Variants in RAPGEF2 observed in about 807,000 individuals in gnomAD.
The protein encoded by RAPGEF2 is PDZ domain containing guanine nucleotide exchange factor (GEF) 1.
Under a neutral mutation model 186.7 loss-of-function variants are expected in RAPGEF2, and 54 were observed. The observed-to-expected ratio is 0.29, with a 90% CI of 0.23 to 0.36. The LOEUF (loss-of-function observed/expected upper bound fraction) is 0.36, where lower values mean the gene tolerates loss of function less well. Ranked by LOEUF, RAPGEF2 falls within the 10% of genes least tolerant of loss-of-function variation. The pLI is 1.00. For missense variants in RAPGEF2, 1,532 were observed against 2,045.0 expected, an observed-to-expected ratio of 0.75 and a Z score of 4.84; for synonymous variants, 712 against 705.9, an observed-to-expected ratio of 1.01 and a Z score of -0.14.
intron 7 of RAPGEF2, among the ~76,000 whole-genome samples, chr4:159,272,052 C>G (rs1758197871): frequency 1.3e-5 from 2 of 152,068 alleles, no homozygotes; most frequent in Admixed American, 6.6e-5. Context: ...CCTTTGTAAC[C>G]TCTGAGTGCC....
intron 4 of RAPGEF2, among the ~76,000 whole-genome samples, chr4:159,237,440 A>C (rs183484383): frequency 6.6e-6 from 1 of 152,182 alleles, no homozygotes. Context: ...AAAATTTATC[A>C]TATGATGTGG....
chr4:159,221,016 A>G (rs1181929285), intron 4 of RAPGEF2, among the ~76,000 whole-genome samples: 2 of 152,188 alleles, frequency 1.3e-5, no homozygotes, highest in Admixed American at 1.3e-4. Context: ...TGGAAGGAGG[A>G]GTCTGGGGAA....
At chr4:159,278,662 AGCATTGT>A (rs1419167760) in intron 7 of RAPGEF2, among the ~76,000 whole-genome samples, 1 of 152,224 alleles carries the variant, frequency 6.6e-6, no homozygotes, top group Non-Finnish European at 1.5e-5. Flanking sequence ...TAAGAGCTGT[AGCATTGT>A]GGTCAGAAAA....
At position 159,241,247 on chromosome 4, in the gene RAPGEF2, C is replaced by G; in HGVS notation, c.404C>G (p.Ser135Cys). The G allele has an allele frequency of 2.0e-6, 3 of 1,533,650 alleles. No homozygotes were observed. The highest frequency in any genetic ancestry group is 2.6e-6 in the Non-Finnish European group (3 of 1,145,408). Residue 135 changes from serine (S) to cysteine (C), a missense_variant, in exon 6 of 30, where the codon TCC (serine) becomes TGC (cysteine). By Grantham distance (112) the Ser-to-Cys change is moderately radical. Transcript: ENST00000691494. The part of the protein sequence containing the change: ...ENEEYFQRQA[S>C]HRQSRRRFRK... The stretch of plus-strand genomic sequence containing the variant: ...GAAGAATATTTTCAGCGGCAAGCTT[C>G]CCATAGACAGTCTCGAAGGAGATTT...
rs1560964822 is a variant in RAPGEF2, at chr4:159,104,527, G to GAGAGAGAGAGA, written c.69+296_69+297insAGAGAGAGAGA. Among the ~76,000 whole-genome samples, 301 of 88,472 alleles carry GAGAGAGAGAGA rather than the reference G, an allele frequency of 3.4e-3. 9 individuals carry two copies. The highest frequency in any genetic ancestry group is 9.4e-3 in the African/African-American group (210 of 22,340). The allele number at this position is 88,472 out of a possible 152,430, so 58.0% of individuals were successfully genotyped here. On this transcript the variant is annotated intron_variant, in intron 1 of 29. Transcript: ENST00000691494. The stretch of plus-strand genomic sequence containing the variant: ...GAGAGAGAGAGAGAGAGAGAGAGAG[G>GAGAGAGAGAGA]GAGAGACAGAGAGAGAGAGAGAGAG...
intron 4 of RAPGEF2, among the ~76,000 whole-genome samples, chr4:159,221,702 C>A (rs1320450088): frequency 2.0e-5 from 3 of 152,226 alleles, no homozygotes; most frequent in African/African-American, 7.2e-5. Flanking sequence ...TCTACATTGG[C>A]TTAGCCACGC....
At chr4:159,337,910 A>AAAAAAAAAAAG (rs1767681602) in intron 17 of RAPGEF2, among the ~76,000 whole-genome samples, 1 of 143,108 alleles carries the variant, frequency 7.0e-6, no homozygotes, top group Non-Finnish European at 1.5e-5. Context: ...AAAAAAAAAA[A>AAAAAAAAAAAG]AAAGAAAGAA....
chr4:159,216,032 A>G (rs1750964030), intron 4 of RAPGEF2, among the ~76,000 whole-genome samples: 1 of 152,226 alleles, frequency 6.6e-6, no homozygotes, highest in Non-Finnish European at 1.5e-5. Flanking sequence ...GGCAGTGGGA[A>G]CTGCTGTACT....
chr4:159,172,611 C>A (rs1379788749), intron 1 of RAPGEF2, among the ~76,000 whole-genome samples: 3 of 152,110 alleles, frequency 2.0e-5, no homozygotes, highest in African/African-American at 7.2e-5. Flanking sequence ...TCATATAAAT[C>A]AAATGTACAC....
chr4:159,237,551 G>A (rs1049252639), intron 4 of RAPGEF2, among the ~76,000 whole-genome samples: 1 of 151,882 alleles, frequency 6.6e-6, no homozygotes, highest in African/African-American at 2.4e-5. Flanking sequence ...TGAAATATGT[G>A]TATTACTATG....
intron 17 of RAPGEF2, 146 bp downstream of exon 17, chr4:159,332,843 CAAATT>C: frequency 3.1e-6 from 3 of 974,306 alleles, no homozygotes; most frequent in Non-Finnish European, 4.3e-6. Context: ...ATTAAACAAT[CAAATT>C]TGTTTTAATC....
intron 7 of RAPGEF2, chr4:159,267,281 C>T: frequency 1.6e-6 from 2 of 1,289,314 alleles, no homozygotes; most frequent in Non-Finnish European, 2.0e-6. Context: ...CGTTGCTATG[C>T]CAACTGCCTG....
In RAPGEF2 at chr4:159,214,010, G is replaced by A. The variant is rs546812059; in HGVS notation, c.281+3427G>A. 2.6e-3 allele frequency among the ~76,000 whole-genome samples: 401 copies of A among 152,242 alleles called. 4 individuals are homozygous for A. The highest frequency in any genetic ancestry group is 9.2e-3 in the African/African-American group (383 of 41,564). ...TGAACTCTTATTTGATTTACAGTTT[G>A]TATTGAAGCAAGGTACAATTTATAG... On this transcript the variant is annotated intron_variant, in intron 4 of 29. Coordinates refer to ENST00000691494, the MANE Select transcript of RAPGEF2 (RefSeq NM_001394067.2).
chr4:159,275,470 T>C (rs1758737212), intron 7 of RAPGEF2, among the ~76,000 whole-genome samples: 1 of 152,166 alleles, frequency 6.6e-6, no homozygotes, highest in African/African-American at 2.4e-5. Flanking sequence ...ATACCCTCCT[T>C]TCCCCTTTAT....
At chr4:159,254,294 A>G (rs4513521) in intron 7 of RAPGEF2, among the ~76,000 whole-genome samples, 2 of 152,186 alleles carry the variant, frequency 1.3e-5, no homozygotes, top group South Asian at 4.1e-4. Context: ...GGTTTTACCC[A>G]TTTTTGCTTT....
intron 1 of RAPGEF2, among the ~76,000 whole-genome samples, chr4:159,165,870 G>T (rs538427068): frequency 6.6e-6 from 1 of 152,190 alleles, no homozygotes; most frequent in Admixed American, 6.5e-5. Context: ...TGCGATTACA[G>T]GCATGAACCA....
chr4:159,129,643 C>G (rs909355009), intron 1 of RAPGEF2, among the ~76,000 whole-genome samples: 11 of 152,348 alleles, frequency 7.2e-5, no homozygotes, highest in African/African-American at 2.4e-4. Context: ...ATTCTATCCA[C>G]TCTACTCCCC....
rs1170246612 is a variant in RAPGEF2, at chr4:159,343,370, G to A, written c.3220G>A (p.Val1074Met). 1 of 1,614,094 alleles carries A rather than the reference G, an allele frequency of 6.2e-7. No homozygotes were observed. Among genetic ancestry groups the A allele is most frequent in the Non-Finnish European group, 8.5e-7 (1 of 1,179,940 alleles). ...EIRHVGRMAS[V>M]NMDPALMFRT... ...TCGTCACGTTGGCCGAATGGCTTCA[G>A]TGAACATGGACCCTGCCCTCATGTT... Residue 1074 changes from valine to methionine, a missense_variant, in exon 22 of 30, where the codon GTG becomes ATG. Val to Met is a conservative substitution (Grantham distance 21). This residue lies in a region of RAPGEF2 where 117 missense variants were observed against 180.8 expected (regional missense o/e 0.65). Transcript: ENST00000691494.
intron 5 of RAPGEF2, among the ~76,000 whole-genome samples, chr4:159,239,257 T>C (rs1753661186): frequency 6.6e-6 from 1 of 152,184 alleles, no homozygotes; most frequent in East Asian, 1.9e-4. Context: ...AATCAATCAC[T>C]AGGTTTGCTG....
Sources: allele counts gnomAD v4.1 joint callset (sites outside exome capture counted in the v4.1 genomes callset), GRCh38; gene constraint gnomAD v4.1.1; regional missense constraint gnomAD v4.1.1; transcripts MANE v1.5; gene names NCBI Gene and HGNC (gene_info 2026-07-23, HGNC 2026-07-21).